COL21A1: variants seen among roughly 807,000 people sequenced by gnomAD.
COL21A1 encodes collagen type XXI alpha 1 chain.
COL21A1 carries 149 observed loss-of-function variants against 137.9 expected under a neutral mutation model. The observed-to-expected ratio is 1.08, with a 90% CI of 0.95 to 1.24. The LOEUF is 1.24. COL21A1 is among the 50% of genes most tolerant of loss of function. The probability of loss-of-function intolerance (pLI) is 0.00; values close to 1 mark genes in which losing one functional copy is unlikely to be tolerated. For missense variants in COL21A1, 1,167 were observed against 1,158.4 expected (o/e 1.01, Z -0.11); for synonymous variants, 456 against 391.5 (o/e 1.16, Z -1.95).
At chr6:56,335,474 C>G (rs1765314630) in intron 1 of COL21A1, among the ~76,000 whole-genome samples, 1 of 152,172 alleles carries the variant, frequency 6.6e-6, no homozygotes, top group Non-Finnish European at 1.5e-5. Context: ...TTATAACTGA[C>G]AGCTTCTCTA....
At chr6:56,090,111 C>T (rs746281188) in intron 17 of COL21A1, among the ~76,000 whole-genome samples, 16 of 152,024 alleles carry the variant, frequency 1.1e-4, no homozygotes, top group South Asian at 4.1e-4. Context: ...TGGTGGCACG[C>T]GCCTGTAGTC....
At chr6:56,308,261 C>CAT (rs1764517768) in intron 1 of COL21A1, among the ~76,000 whole-genome samples, 1 of 152,200 alleles carries the variant, frequency 6.6e-6, no homozygotes, top group African/African-American at 2.4e-5. Flanking sequence ...CATCTTCTTC[C>CAT]ATCTTCTGCC....
chr6:56,272,530 G>A (rs1466015635), intron 1 of COL21A1, among the ~76,000 whole-genome samples: 23 of 152,174 alleles, frequency 1.5e-4, no homozygotes, highest in Non-Finnish European at 2.9e-5. Flanking sequence ...CTGTTACAAA[G>A]GCATAATTGG....
chr6:56,274,832 T>C lies in COL21A1; in HGVS notation c.-38-92176A>G, dbSNP rs544980995. On this transcript the variant is annotated intron_variant, in intron 1 of 28. Coordinates refer to the COL21A1 transcript ENST00000370819. The stretch of plus-strand genomic sequence containing the variant: ...ATAAATTTAATGCTATTCCTATCTA[T>C]GTCATTTTTCACAGAATTAGAAAAA... Among the ~76,000 whole-genome samples, 24 of 152,006 alleles carry C rather than the reference T, an allele frequency of 1.6e-4. No homozygotes were observed. In the East Asian group the frequency reaches 4.4e-3, roughly 28 times the overall value.
chr6:56,125,228 C>T (rs1772946205), intron 14 of COL21A1, among the ~76,000 whole-genome samples: 1 of 150,734 alleles, frequency 6.6e-6, no homozygotes, highest in Non-Finnish European at 1.5e-5. Context: ...ACCATGTTGG[C>T]CAGGCTGGTC....
At chr6:56,301,690 TATTTTA>T (rs1486424071) in intron 1 of COL21A1, among the ~76,000 whole-genome samples, 9 of 148,060 alleles carry the variant, frequency 6.1e-5, no homozygotes, top group African/African-American at 9.9e-5. Context: ...CACATGTGGC[TATTTTA>T]ATTTTAACTT....
At chr6:56,369,622 A>G (rs1461261437) in intron 1 of COL21A1, among the ~76,000 whole-genome samples, 1 of 152,182 alleles carries the variant, frequency 6.6e-6, no homozygotes, top group Non-Finnish European at 1.5e-5. Flanking sequence ...TTTATAAGAT[A>G]TGATAAAAGG....
rs775239489 is a variant in COL21A1 at position 56,077,539 on chromosome 6, A to G, written c.1847T>C (p.Met616Thr). 12 of 1,578,646 alleles carry G rather than the reference A, an allele frequency of 7.6e-6. No homozygotes were observed. The South Asian group carries it at 9.4e-5, about 12-fold the overall frequency. Residue 616 changes from methionine to threonine, a missense_variant, in exon 18 of 30, where the codon ATG becomes ACG. Coordinates refer to ENST00000244728, the MANE Select transcript of COL21A1 (RefSeq NM_030820.4). ...IPGFPGNRGL[M>T]GQKGEIGPPG... ...CTCATGAATACTTACCTTTTGGCCC[A>G]TTAATCCTCGGTTTCCAGGAAATCC... is the stretch of plus-strand genomic sequence containing the variant.
At chr6:56,342,367 T>C (rs1332961577) in intron 1 of COL21A1, among the ~76,000 whole-genome samples, 3 of 152,198 alleles carry the variant, frequency 2.0e-5, no homozygotes, top group Non-Finnish European at 4.4e-5. Context: ...ATTGTTGTTT[T>C]AATGCGGTTC....
intron 1 of COL21A1, among the ~76,000 whole-genome samples, chr6:56,270,982 AG>A (rs1763511696): frequency 6.6e-6 from 1 of 152,232 alleles, no homozygotes; most frequent in African/African-American, 2.4e-5. Context: ...AGACTAATAC[AG>A]GAAATTTGTA....
chr6:56,335,102 G>A (rs569558750), intron 1 of COL21A1, among the ~76,000 whole-genome samples: 1 of 152,050 alleles, frequency 6.6e-6, no homozygotes, highest in East Asian at 1.9e-4. Context: ...AATACTAACT[G>A]GGCTAACGAT....
chr6:56,235,905 C>T (rs1925150), intron 1 of COL21A1, among the ~76,000 whole-genome samples: 10,423 of 151,920 alleles, frequency 0.069, 403 homozygotes, highest in Middle Eastern at 0.12. Flanking sequence ...CTTCTGGGAT[C>T]CAAAATTTGG....
intron 1 of COL21A1, among the ~76,000 whole-genome samples, chr6:56,261,307 A>T (rs915909696): frequency 1.3e-5 from 2 of 152,190 alleles, no homozygotes; most frequent in East Asian, 3.9e-4. Flanking sequence ...CATTATAGTC[A>T]GATTACAAGA....
At position 56,070,803 on chromosome 6, in the gene COL21A1, C is replaced by G; in HGVS notation, c.1966-5G>C. 6.3e-7 allele frequency: 1 copy of G among 1,592,678 alleles called. No homozygotes were observed. The highest frequency in any genetic ancestry group is 8.5e-7 in the Non-Finnish European group (1 of 1,171,820). On this transcript the variant is annotated splice_polypyrimidine_tract_variant and splice_region_variant and intron_variant, in intron 20 of 29. Transcript: ENST00000244728. ...TCCAGGTTCACCTTTGCTTCCCTGTCAACACATCAAAAACATTGGAGTTTT... is the reference window on the plus strand; with the variant it reads ...TCCAGGTTCACCTTTGCTTCCCTGTGAACACATCAAAAACATTGGAGTTTT...
intron 1 of COL21A1, among the ~76,000 whole-genome samples, chr6:56,277,997 T>C (rs1763707643): frequency 6.6e-6 from 1 of 152,240 alleles, no homozygotes; most frequent in South Asian, 2.1e-4. Flanking sequence ...TTTCATTTGC[T>C]GAAGCATAAA....
At chr6:56,377,106 T>C (rs2094000795) in intron 1 of COL21A1, among the ~76,000 whole-genome samples, 2 of 151,428 alleles carry the variant, frequency 1.3e-5, no homozygotes, top group Non-Finnish European at 2.9e-5. Context: ...GCCTCCCGAG[T>C]AGCTGGGACT....
Position 56,239,131 on chromosome 6 carries a change from T to C in COL21A1, c.-39+8256A>G, listed in dbSNP as rs138251362. Among the ~76,000 whole-genome samples, 13 of 152,260 alleles carry C rather than the reference T, an allele frequency of 8.5e-5. No homozygotes were observed. The East Asian group carries it at 2.3e-3, about 27-fold the overall frequency. On this transcript the variant is annotated intron_variant, in intron 1 of 29. Coordinates refer to ENST00000244728, the MANE Select transcript of COL21A1 (RefSeq NM_030820.4). ...CTCAATGTATTAGAGCATGTAACTA[T>C]TTTTTTGCATTCACAAGGAGTAATA...
chr6:56,256,641 T>G (rs1925160), intron 1 of COL21A1, among the ~76,000 whole-genome samples: 39,216 of 151,914 alleles, frequency 0.26, 6,339 homozygotes, highest in East Asian at 0.67. Context: ...AATATAGACT[T>G]AAGATTTTCA....
intron 1 of COL21A1, among the ~76,000 whole-genome samples, chr6:56,220,251 C>G (rs1470833679): frequency 6.6e-6 from 1 of 152,128 alleles, no homozygotes. Context: ...GGACTTGTAA[C>G]AGGCAATAAC....
Sources: gnomAD v4.1 joint callset for allele counts (sites outside exome capture counted in the v4.1 genomes callset) on GRCh38, gnomAD v4.1.1 for gene constraint, MANE v1.5 for transcripts, NCBI Gene and HGNC (gene_info 2026-07-23, HGNC 2026-07-21) for gene names.